The following KCNMA1 variants were observed in gnomAD, a reference collection of about 807,000 sequenced individuals.
KCNMA1 encodes Calcium-activated potassium channel subunit alpha-1.
KCNMA1 carries 29 observed loss-of-function variants against 140.0 expected under a neutral mutation model. The ratio of observed to expected loss-of-function variants is 0.21; its 90% CI spans 0.15 to 0.28. The LOEUF is 0.28. Among genes scored for constraint, KCNMA1 ranks in the 10% least tolerant of loss-of-function variants. The pLI is 1.00. For missense variants in KCNMA1, 880 were observed against 1,602.2 expected, an observed-to-expected ratio of 0.55 and a Z score of 7.70; for synonymous variants, 612 against 611.9, an observed-to-expected ratio of 1.00 and a Z score of 0.00.
chr10:77,081,607 G>A (rs3781166), intron 12 of KCNMA1, among the ~76,000 whole-genome samples: 9,289 of 152,214 alleles, frequency 0.061, 403 homozygotes, highest in East Asian at 0.18. Flanking sequence ...TGCAACGTAC[G>A]AATTTAGGAA....
At chr10:77,525,523 G>A (rs1314265231) in intron 1 of KCNMA1, among the ~76,000 whole-genome samples, 1 of 152,216 alleles carries the variant, frequency 6.6e-6, no homozygotes, top group Non-Finnish European at 1.5e-5. Flanking sequence ...ACTGCTCCCA[G>A]GCTGTGTGGC....
At chr10:77,471,475 C>T (rs887822639) in intron 1 of KCNMA1, among the ~76,000 whole-genome samples, 3 of 150,970 alleles carry the variant, frequency 2.0e-5, no homozygotes, top group African/African-American at 7.3e-5. Context: ...ACACGTAACA[C>T]AATACATGCT....
intron 1 of KCNMA1, among the ~76,000 whole-genome samples, chr10:77,454,250 T>C (rs2097717894): frequency 6.6e-6 from 1 of 152,164 alleles, no homozygotes; most frequent in Admixed American, 6.5e-5. Flanking sequence ...ACATCTACAG[T>C]GTATTTCAGG....
chr10:77,392,764 T>C (rs2095878676), intron 2 of KCNMA1, among the ~76,000 whole-genome samples: 1 of 152,212 alleles, frequency 6.6e-6, no homozygotes, highest in Admixed American at 6.5e-5. Flanking sequence ...TTTCAATGAA[T>C]GTGTGGTCAC....
intron 1 of KCNMA1, among the ~76,000 whole-genome samples, chr10:77,450,802 T>C (rs1013584860): frequency 2.6e-5 from 4 of 152,228 alleles, no homozygotes; most frequent in African/African-American, 9.6e-5. Context: ...TTTGGCTCTG[T>C]GTCCCCACTC....
At chr10:77,367,034 CT>C (rs1429683027) in intron 2 of KCNMA1, among the ~76,000 whole-genome samples, 1 of 152,172 alleles carries the variant, frequency 6.6e-6, no homozygotes, top group African/African-American at 2.4e-5. Flanking sequence ...AGAGAAACAT[CT>C]GAAAAGTGAA....
At chr10:77,276,608 C>T (rs1001225934) in intron 2 of KCNMA1, among the ~76,000 whole-genome samples, 2 of 152,108 alleles carry the variant, frequency 1.3e-5, no homozygotes, top group Admixed American at 6.5e-5. Context: ...GTACTCAATT[C>T]GAGATGTCTG....
intron 1 of KCNMA1, among the ~76,000 whole-genome samples, chr10:77,616,658 T>C (rs1296887331): frequency 6.6e-6 from 1 of 151,744 alleles, no homozygotes; most frequent in Non-Finnish European, 1.5e-5. Flanking sequence ...ATACAGAAAT[T>C]AGCCGGACAT....
chr10:77,219,219 T>TTTG (rs1216670345), intron 3 of KCNMA1, among the ~76,000 whole-genome samples: 3 of 152,168 alleles, frequency 2.0e-5, no homozygotes, highest in Admixed American at 6.5e-5. Flanking sequence ...GAATGTTGTT[T>TTTG]TTGTTGTTGT....
At chr10:76,915,196 G>A in intron 23 of KCNMA1, 147 bp from the exon 24 acceptor site, 3 of 655,382 alleles carry the variant, frequency 4.6e-6, no homozygotes, top group Non-Finnish European at 8.5e-6. Context: ...GATAAACTCT[G>A]ATGATTAATT....
In KCNMA1 at chr10:77,001,425, A is replaced by G. The variant is rs1040445748; in HGVS notation, c.2248T>C (p.Ser750Pro). The G allele has an allele frequency of 6.4e-7, 1 of 1,551,568 alleles. No individual in the cohort carries two copies. The highest frequency in any genetic ancestry group is 8.7e-7 in the Non-Finnish European group (1 of 1,146,952). The change falls in exon 19 of 28, where the codon TCC becomes CCC. Residue 750 changes from serine (S) to proline (P), a missense_variant. Physicochemically the swap from Ser to Pro is moderately conservative, Grantham distance 74. Transcript: ENST00000286628. ...AACTTACAGGCACGGAAACTGGTGG[A>G]GCAATCATTAACAGAGACAGAAGAA... Reference protein sequence around the residue: ...PLSSVSVNDCSTSFRAFEDEQ... With the variant: ...PLSSVSVNDCPTSFRAFEDEQ...
At chr10:77,319,174 C>T (rs749075629) in intron 2 of KCNMA1, among the ~76,000 whole-genome samples, 6 of 152,074 alleles carry the variant, frequency 3.9e-5, no homozygotes, top group Non-Finnish European at 8.8e-5. Flanking sequence ...TGCCTAGGCC[C>T]ATGTATACAG....
intron 2 of KCNMA1, among the ~76,000 whole-genome samples, chr10:77,385,270 G>A (rs2095561231): frequency 6.6e-6 from 1 of 152,006 alleles, no homozygotes; most frequent in African/African-American, 2.4e-5. Context: ...CAGCAATCTG[G>A]TTCAAGGTTG....
At chr10:77,395,810 C>G (rs1279792104) in intron 2 of KCNMA1, among the ~76,000 whole-genome samples, 1 of 152,214 alleles carries the variant, frequency 6.6e-6, no homozygotes, top group Non-Finnish European at 1.5e-5. Flanking sequence ...TAGTAACAGG[C>G]AGCTCACTAC....
chr10:76,905,372 G>A (rs1356720396), intron 25 of KCNMA1, among the ~76,000 whole-genome samples: 1 of 152,200 alleles, frequency 6.6e-6, no homozygotes, highest in Non-Finnish European at 1.5e-5. Flanking sequence ...AGAAACAGTG[G>A]CATTAGGAGG....
chr10:77,034,984 C>T (rs2094215925), intron 15 of KCNMA1, among the ~76,000 whole-genome samples: 1 of 152,142 alleles, frequency 6.6e-6, no homozygotes, highest in Non-Finnish European at 1.5e-5. Context: ...TGCAGCTCCT[C>T]CTTGTCCAGC....
At chr10:77,493,522 G>A (rs1442749694) in intron 1 of KCNMA1, among the ~76,000 whole-genome samples, 9 of 152,268 alleles carry the variant, frequency 5.9e-5, no homozygotes, top group Non-Finnish European at 1.2e-4. Context: ...GAGCGAGTGC[G>A]TGTGAGTGAA....
intron 3 of KCNMA1, among the ~76,000 whole-genome samples, chr10:77,204,834 A>C (rs1354308915): frequency 6.6e-6 from 1 of 152,178 alleles, no homozygotes; most frequent in East Asian, 1.9e-4. Context: ...AAACTACTAC[A>C]TCAGCTGATC....
At chr10:77,077,675 C>A (rs1327143080) in intron 13 of KCNMA1, among the ~76,000 whole-genome samples, 1 of 152,194 alleles carries the variant, frequency 6.6e-6, no homozygotes, top group Non-Finnish European at 1.5e-5. Context: ...CAGCTTAAAG[C>A]ACTCCCACAC....
Sources: gnomAD v4.1 joint callset for allele counts (sites outside exome capture counted in the v4.1 genomes callset) on GRCh38, gnomAD v4.1.1 for gene constraint, MANE v1.5 for transcripts, NCBI Gene and HGNC (gene_info 2026-07-23, HGNC 2026-07-21) for gene names.